The following CSMD3 variants were observed in gnomAD, a reference collection of about 807,000 sequenced individuals.
CSMD3 encodes CUB and sushi domain-containing protein 3.
Under a neutral mutation model 435.2 loss-of-function variants are expected in CSMD3, and 177 were observed. The ratio of observed to expected loss-of-function variants is 0.41; its 90% CI spans 0.36 to 0.46. CSMD3 has a LOEUF of 0.46. Ranked by LOEUF, CSMD3 falls within the 20% of genes least tolerant of loss-of-function variation. The pLI is 0.34. For missense variants in CSMD3, 4,265 were observed against 4,504.6 expected (o/e 0.95, Z 1.52); for synonymous variants, 1,656 against 1,520.5 (o/e 1.09, Z -2.07).
At chr8:112,573,203 C>T (rs908034691) in intron 24 of CSMD3, among the ~76,000 whole-genome samples, 1 of 152,008 alleles carries the variant, frequency 6.6e-6, no homozygotes, top group Admixed American at 6.6e-5. Flanking sequence ...CATTGTATTT[C>T]TTAAATACTG....
At chr8:112,753,022 C>A (rs1229134943) in intron 13 of CSMD3, among the ~76,000 whole-genome samples, 1 of 151,742 alleles carries the variant, frequency 6.6e-6, no homozygotes, top group Non-Finnish European at 1.5e-5. Flanking sequence ...AACTTCTGGG[C>A]TCAAATGATC....
At chr8:112,545,603 G>C (rs1269726082) in intron 27 of CSMD3, among the ~76,000 whole-genome samples, 1 of 151,216 alleles carries the variant, frequency 6.6e-6, no homozygotes, top group African/African-American at 2.4e-5. Context: ...TTATCTCTAA[G>C]TGTCCTATGT....
At chr8:112,714,823 C>T (rs2076687999) in intron 13 of CSMD3, among the ~76,000 whole-genome samples, 2 of 152,096 alleles carry the variant, frequency 1.3e-5, no homozygotes, top group South Asian at 4.1e-4. Flanking sequence ...TGAAAGACTC[C>T]TGGTTAAAAA....
chr8:112,232,256 T>C (rs1458578393), intron 68 of CSMD3, among the ~76,000 whole-genome samples: 1 of 152,196 alleles, frequency 6.6e-6, no homozygotes, highest in East Asian at 1.9e-4. Flanking sequence ...AGAGCTGATT[T>C]GAGAATGTAA....
At chr8:112,261,346 T>A (rs559555933) in intron 61 of CSMD3, among the ~76,000 whole-genome samples, 1 of 152,154 alleles carries the variant, frequency 6.6e-6, no homozygotes, top group Admixed American at 6.6e-5. Context: ...TGACTATCCA[T>A]GAACCTAACA....
chr8:112,706,942 T>C (rs971416031), intron 13 of CSMD3, among the ~76,000 whole-genome samples: 3 of 152,078 alleles, frequency 2.0e-5, no homozygotes, highest in African/African-American at 7.2e-5. Context: ...GCAACCTTAC[T>C]TAACCTGTCT....
At chr8:113,266,192 A>AC (rs1175287966) in intron 3 of CSMD3, among the ~76,000 whole-genome samples, 1 of 150,862 alleles carries the variant, frequency 6.6e-6, no homozygotes. Flanking sequence ...AAAAAAAAAA[A>AC]AAAAAACTAA....
intron 28 of CSMD3, among the ~76,000 whole-genome samples, chr8:112,511,012 GA>G (rs1391478436): frequency 2.0e-5 from 3 of 152,056 alleles, no homozygotes; most frequent in African/African-American, 4.8e-5. Flanking sequence ...ATGTGAATAT[GA>G]AAAAAAGTAT....
intron 49 of CSMD3, among the ~76,000 whole-genome samples, 189 bp from the exon 50 acceptor site, chr8:112,311,355 G>A (rs78545400): frequency 6.6e-6 from 1 of 152,056 alleles, no homozygotes; most frequent in Non-Finnish European, 1.5e-5. Context: ...CAACTTTTGG[G>A]AGACATAACT....
chr8:113,153,076 A>AG (rs1554791087), intron 4 of CSMD3, among the ~76,000 whole-genome samples: 4 of 89,186 alleles, frequency 4.5e-5, no homozygotes, highest in African/African-American at 2.2e-4. Flanking sequence ...AAAAGAAAGA[A>AG]AAAGAAAGAA....
At chr8:112,749,922 G>T (rs1311708705) in intron 13 of CSMD3, among the ~76,000 whole-genome samples, 2 of 152,034 alleles carry the variant, frequency 1.3e-5, no homozygotes, top group Non-Finnish European at 2.9e-5. Flanking sequence ...TACACTCAGG[G>T]CAGAGGGGTC....
chr8:113,395,784 T>A (rs1037500112), intron 1 of CSMD3, among the ~76,000 whole-genome samples: 2 of 152,182 alleles, frequency 1.3e-5, no homozygotes, highest in African/African-American at 4.8e-5. Flanking sequence ...TGCTCCCTGA[T>A]CTTGTACCTT....
intron 13 of CSMD3, among the ~76,000 whole-genome samples, chr8:112,773,496 A>G (rs1223647440): frequency 6.6e-6 from 1 of 152,072 alleles, no homozygotes; most frequent in African/African-American, 2.4e-5. Flanking sequence ...CACAAAAAGC[A>G]TGAGAATTAG....
chr8:112,792,548 A>G (rs935878121), intron 13 of CSMD3, among the ~76,000 whole-genome samples: 5 of 152,210 alleles, frequency 3.3e-5, no homozygotes, highest in African/African-American at 1.2e-4. Context: ...CAACATATAA[A>G]TTTGGGAGGA....
chr8:113,264,196 A>G (rs1428531180), intron 3 of CSMD3, among the ~76,000 whole-genome samples: 4 of 151,496 alleles, frequency 2.6e-5, no homozygotes, highest in African/African-American at 9.7e-5. Context: ...TTCTAAAGCA[A>G]GCTCATAGTG....
At chr8:113,126,384 C>T (rs1564344076) in intron 4 of CSMD3, among the ~76,000 whole-genome samples, 2 of 151,550 alleles carry the variant, frequency 1.3e-5, no homozygotes, top group Non-Finnish European at 2.9e-5. Flanking sequence ...TGGGCACATA[C>T]ATATATCAAA....
At chr8:112,716,607 C>T (rs560262136) in intron 13 of CSMD3, among the ~76,000 whole-genome samples, 1 of 152,150 alleles carries the variant, frequency 6.6e-6, no homozygotes, top group East Asian at 1.9e-4. Context: ...ATGAAGAGCC[C>T]GTATAGCCAT....
intron 5 of CSMD3, among the ~76,000 whole-genome samples, chr8:113,026,408 C>T (rs2086877440): frequency 1.3e-5 from 2 of 152,168 alleles, no homozygotes; most frequent in Non-Finnish European, 2.9e-5. Context: ...ATGTAGTTCT[C>T]TATTCATTGT....
intron 5 of CSMD3, among the ~76,000 whole-genome samples, chr8:113,019,791 C>T (rs2086617779): frequency 6.6e-6 from 1 of 152,032 alleles, no homozygotes; most frequent in Non-Finnish European, 1.5e-5. Flanking sequence ...GCAAATTTCA[C>T]AGTTTATTTT....
Sources: allele counts gnomAD v4.1 joint callset (sites outside exome capture counted in the v4.1 genomes callset), GRCh38; gene constraint gnomAD v4.1.1; transcripts MANE v1.5; gene names NCBI Gene and HGNC (gene_info 2026-07-23, HGNC 2026-07-21).